The following HKDC1 variants were observed in gnomAD, a reference collection of about 807,000 sequenced individuals.
The protein encoded by HKDC1 is hexokinase domain containing 1, also known as hexokinase HKDC1.
Under a neutral mutation model 96.6 loss-of-function variants are expected in HKDC1, and 66 were observed. The observed-to-expected ratio is 0.68, with a 90% confidence interval of 0.56 to 0.84. The LOEUF (loss-of-function observed/expected upper bound fraction) is 0.84, where lower values mean the gene tolerates loss of function less well. Among genes scored for constraint, HKDC1 ranks in the 40% least tolerant of loss-of-function variants. The pLI is 0.00. For synonymous variants in HKDC1, 466 were observed against 473.1 expected, an observed-to-expected ratio of 0.98 and a Z score of 0.20; for missense variants, 1,211 against 1,208.1, an observed-to-expected ratio of 1.00 and a Z score of -0.04.
In HKDC1 at chr10:69,261,348, C is replaced by T. The variant is rs74138346; in HGVS notation, c.2372+54C>T. 5.1e-3 allele frequency: 7,974 copies of T among 1,568,086 alleles called. 345 individuals are homozygous for T. The African/African-American group carries it at 0.093, about 18-fold the overall frequency. On this transcript the variant is annotated intron_variant, in intron 16 of 17. Coordinates refer to ENST00000354624, the MANE Select transcript of HKDC1 (RefSeq NM_025130.4). ...CTCTGACTGGCATATGCTGCCACCA[C>T]GCTGGGGTTGGGCCAATTTGAGGTT... is the stretch of plus-strand genomic sequence containing the variant.
At chr10:69,247,314 A>G in intron 8 of HKDC1, 46 bp from the exon 9 acceptor site, 1 of 1,269,716 alleles carries the variant, frequency 7.9e-7, no homozygotes. Context: ...GGAGGATACC[A>G]GTGGGATGGA....
chr10:69,249,864 C>G (rs1843609845), intron 10 of HKDC1, among the ~76,000 whole-genome samples: 1 of 152,174 alleles, frequency 6.6e-6, no homozygotes, highest in African/African-American at 2.4e-5. Flanking sequence ...TTCCTTGGGG[C>G]TCCCGAGAAG....
intron 9 of HKDC1, among the ~76,000 whole-genome samples, 173 bp downstream of exon 9, chr10:69,247,766 G>C (rs1242619956): frequency 6.6e-6 from 1 of 152,130 alleles, no homozygotes; most frequent in Non-Finnish European, 1.5e-5. Context: ...TAGCTGGCTG[G>C]GTTGCTTTTG....
chr10:69,258,834 G>T lies in HKDC1; in HGVS notation c.2091G>T (p.Gly697=), dbSNP rs758463725. The change falls in exon 15 of 18, where the codon GGG becomes GGT. Residue 697 remains glycine (G), a synonymous_variant. Transcript: ENST00000354624. The stretch of plus-strand genomic sequence containing the variant: ...TGAGGAACATCGAGATGGTGGAGGG[G>T]GGTGAAGGGAAGATGTGCATCAATA... The part of the protein sequence containing the change: ...EDMRNIEMVE[G]GEGKMCINTE... The T allele has an allele frequency of 2.6e-5, 42 of 1,613,960 alleles. 1 individual carries two copies. The East Asian group carries it at 9.1e-4, about 35-fold the overall frequency.
chr10:69,258,724 TA>T, intron 14 of HKDC1, 51 bp from the exon 15 acceptor site: 2 of 1,588,606 alleles, frequency 1.3e-6, no homozygotes, highest in Non-Finnish European at 1.7e-6. Flanking sequence ...GCCACCTTTC[TA>T]AAACCTGGTG....
At chr10:69,250,491 G>A in intron 11 of HKDC1, 42 bp from the exon 12 acceptor site, 6 of 1,613,118 alleles carry the variant, frequency 3.7e-6, no homozygotes, top group Middle Eastern at 1.7e-4. Flanking sequence ...ACCCTGCATC[G>A]ATGTCCGCCT....
In HKDC1 at chr10:69,247,428, A is replaced by T; in HGVS notation, c.1100A>T (p.Asp367Val). Residue 367 changes from aspartate to valine, a missense_variant, in exon 9 of 18, where the codon GAC becomes GTC. Physicochemically the swap from Asp to Val is radical, Grantham distance 152 (BLOSUM62 -3). Coordinates refer to ENST00000354624, the MANE Select transcript of HKDC1 (RefSeq NM_025130.4). ...CTGGGTCTGGAACCGTCTGAGGCTGACTGCATTGCCGTCCAGCATGTCTGT... is the reference window on the plus strand; with the variant it reads ...CTGGGTCTGGAACCGTCTGAGGCTGTCTGCATTGCCGTCCAGCATGTCTGT... ...VDLGLEPSEA[D>V]CIAVQHVCTI... is the part of the protein sequence containing the mutation. The T allele has an allele frequency of 6.2e-7, 1 of 1,614,130 alleles. No homozygotes were observed. Among genetic ancestry groups the T allele is most frequent in the Non-Finnish European group, 8.5e-7 (1 of 1,180,030 alleles).
intron 7 of HKDC1, among the ~76,000 whole-genome samples, chr10:69,244,845 T>A (rs1589410453): frequency 6.6e-6 from 1 of 151,838 alleles, no homozygotes; most frequent in Non-Finnish European, 1.5e-5. Context: ...ATATATATAT[T>A]ATATTCCCTG....
chr10:69,249,219 C>G (rs1843596756), intron 10 of HKDC1, among the ~76,000 whole-genome samples: 1 of 152,238 alleles, frequency 6.6e-6, no homozygotes, highest in Admixed American at 6.5e-5. Context: ...GTAGTGAAAT[C>G]AGTTCTTCAG....
intron 12 of HKDC1, among the ~76,000 whole-genome samples, chr10:69,252,633 G>C (rs113408715): frequency 0.1 from 14,202 of 136,792 alleles, 1,171 homozygotes; most frequent in African/African-American, 0.23. Flanking sequence ...GACAGAGCGA[G>C]ACTCTGTCTC....
Position 69,257,047 on chromosome 10 carries a change from A to G in HKDC1, c.1848A>G (p.Ile616Met). ...RQMSIDKGTL[I>M]GWTKGFKATD... ...CTCCTTTCTTTCAGGGAACACTCATAGGGTGGACCAAAGGTTTCAAGGCCA... is the reference window on the plus strand; with the variant it reads ...CTCCTTTCTTTCAGGGAACACTCATGGGGTGGACCAAAGGTTTCAAGGCCA... Residue 616 changes from isoleucine to methionine, a missense_variant, in exon 13 of 18, where the codon ATA (isoleucine) becomes ATG (methionine). Ile to Met is a conservative substitution (Grantham distance 10). Transcript: ENST00000354624. The G allele has an allele frequency of 1.2e-6, 2 of 1,613,820 alleles. No individual in the cohort carries two copies. The highest frequency in any genetic ancestry group is 1.7e-6 in the Non-Finnish European group (2 of 1,179,734).
intron 2 of HKDC1, among the ~76,000 whole-genome samples, chr10:69,229,329 G>A (rs1843212424): frequency 6.6e-6 from 1 of 152,258 alleles, no homozygotes; most frequent in African/African-American, 2.4e-5. Context: ...CACTGGGAAA[G>A]GCCCTGTGCC....
chr10:69,250,188 G>C lies in HKDC1; in HGVS notation c.1571-102G>C, dbSNP rs1028256254. 3.1e-6 allele frequency: 4 copies of C among 1,310,102 alleles called. No homozygotes were observed. In the Admixed American group the frequency reaches 7.9e-5, roughly 26 times the overall value. 81.2% of individuals were successfully genotyped at this position (1,310,102 alleles called of 1,614,324 possible). A position where few individuals can be genotyped will look rare whatever the true frequency, so the allele number is the denominator to read the frequency against. ...ACCCTCTGGTCTATGAGGCCCAGGAGTGCAGGCCCTGGGTCCGCTCTGCTC... is the reference window on the plus strand; with the variant it reads ...ACCCTCTGGTCTATGAGGCCCAGGACTGCAGGCCCTGGGTCCGCTCTGCTC... On this transcript the variant is annotated intron_variant, in intron 10 of 17. Transcript: ENST00000354624.
intron 16 of HKDC1, 158 bp downstream of exon 16, chr10:69,261,452 G>C (rs987214691): frequency 4.6e-6 from 3 of 646,558 alleles, no homozygotes; most frequent in African/African-American, 1.8e-5. Context: ...ACTGATTCAG[G>C]ATCGCTTTCA....
rs1406931442 is a variant in HKDC1, at chr10:69,266,888, G to C, written c.*131G>C. The C allele has an allele frequency of 1.4e-5, 11 of 803,800 alleles. No homozygotes were observed. The Admixed American group carries it at 2.1e-4, about 15-fold the overall frequency. The allele number at this position is 803,800 out of a possible 1,614,324, so 49.8% of individuals were successfully genotyped here. On this transcript the variant is annotated 3_prime_UTR_variant, in exon 18 of 18. Coordinates refer to ENST00000354624, the MANE Select transcript of HKDC1 (RefSeq NM_025130.4). Reference sequence around the variant, plus strand: ...TCTGGATGGCCGAAAGAGAACCCCAGGTTCTCGGGTACTCTTAGTATCTTG... The same window carrying C: ...TCTGGATGGCCGAAAGAGAACCCCACGTTCTCGGGTACTCTTAGTATCTTG...
At chr10:69,236,392 T>G (rs535092947) in intron 4 of HKDC1, among the ~76,000 whole-genome samples, 2 of 151,270 alleles carry the variant, frequency 1.3e-5, no homozygotes, top group East Asian at 4.0e-4. Context: ...GCAGGCGTGG[T>G]GAGCCACTGT....
intron 6 of HKDC1, among the ~76,000 whole-genome samples, chr10:69,241,193 G>A (rs1843451910): frequency 6.6e-6 from 1 of 152,172 alleles, no homozygotes; most frequent in Non-Finnish European, 1.5e-5. Flanking sequence ...GAGCAAGGTG[G>A]AGGCCCGAGG....
chr10:69,258,921 G>C lies in HKDC1; in HGVS notation c.2178G>C (p.Thr726=), dbSNP rs367554536. 1.3e-6 allele frequency: 2 copies of C among 1,599,376 alleles called. No homozygotes were observed. Among genetic ancestry groups the C allele is most frequent in the South Asian group, 1.1e-5 (1 of 88,774 alleles). The change falls in exon 15 of 18, where the codon ACG becomes ACC. Residue 726 remains threonine (T), a synonymous_variant. Transcript: ENST00000354624. ...CIDDIWTRYD[T]EVDEGSLNPG... is the part of the protein sequence containing the mutation. ...ATGACATCTGGACCCGATACGACAC[G>C]GAGGTGGATGAGGGGTCCTTGAATC... is the stretch of plus-strand genomic sequence containing the variant.
chr10:69,226,436 C>G (rs1843156129), intron 1 of HKDC1, among the ~76,000 whole-genome samples: 2 of 151,972 alleles, frequency 1.3e-5, no homozygotes, highest in Non-Finnish European at 2.9e-5. Flanking sequence ...CACTTGAGGT[C>G]TGGAGTTCAA....
Sources: gnomAD v4.1 joint callset for allele counts (sites outside exome capture counted in the v4.1 genomes callset) on GRCh38, gnomAD v4.1.1 for gene constraint, MANE v1.5 for transcripts, NCBI Gene and HGNC (gene_info 2026-07-23, HGNC 2026-07-21) for gene names.